Variants in MRPL45 observed in about 807,000 individuals in gnomAD.
The protein encoded by MRPL45 is mitochondrial ribosomal protein L45, also known as large ribosomal subunit protein mL45.
MRPL45 carries 20 observed loss-of-function variants against 38.1 expected under a neutral mutation model. That is an observed-to-expected ratio of 0.53 (90% CI 0.37 to 0.76). MRPL45 has a LOEUF of 0.76. Ranked by LOEUF, MRPL45 falls within the 30% of genes least tolerant of loss-of-function variation. MRPL45 has a pLI of 0.00. For missense variants in MRPL45, 337 were observed against 395.6 expected, an observed-to-expected ratio of 0.85 and a Z score of 1.26; for synonymous variants, 105 against 128.8, an observed-to-expected ratio of 0.82 and a Z score of 1.25.
intron 4 of MRPL45, among the ~76,000 whole-genome samples, chr17:38,312,983 G>GTTT (rs1555561920): frequency 1.5e-5 from 1 of 66,816 alleles, no homozygotes; most frequent in Non-Finnish European, 3.3e-5. Flanking sequence ...CCTTTTTATT[G>GTTT]GTTTTTTTTT....
intron 3 of MRPL45, among the ~76,000 whole-genome samples, chr17:38,305,677 C>G (rs897162228): frequency 1.5e-4 from 21 of 144,356 alleles, no homozygotes; most frequent in African/African-American, 5.2e-4. Context: ...GAGTCTCGCT[C>G]TGTGACCCAG....
chr17:38,299,716 G>C (rs976310246), intron 3 of MRPL45, among the ~76,000 whole-genome samples: 1 of 151,236 alleles, frequency 6.6e-6, no homozygotes, highest in Non-Finnish European at 1.5e-5. Context: ...GAGTGTATAG[G>C]ATCCTTTTTT....
intron 3 of MRPL45, among the ~76,000 whole-genome samples, chr17:38,301,069 A>G (rs1257810004): frequency 1.3e-5 from 2 of 152,216 alleles, no homozygotes; most frequent in Admixed American, 6.5e-5. Context: ...AGCTTTTATA[A>G]TCTGGTCCTT....
At chr17:38,319,033 A>G (rs1184289892) in intron 5 of MRPL45, among the ~76,000 whole-genome samples, 1 of 144,052 alleles carries the variant, frequency 6.9e-6, no homozygotes, top group Non-Finnish European at 1.5e-5. Flanking sequence ...TTATTTATTT[A>G]TTTATTTATT....
chr17:38,313,349 TATATATATATATATATAC>T (rs2037141759), intron 4 of MRPL45, among the ~76,000 whole-genome samples: 510 of 19,070 alleles, frequency 0.027, 18 homozygotes, highest in African/African-American at 0.11. Flanking sequence ...TATATATACG[TATATATATATATATATAC>T]GTATATATAT....
At chr17:38,310,387 G>A (rs2037100316) in intron 4 of MRPL45, among the ~76,000 whole-genome samples, 1 of 150,232 alleles carries the variant, frequency 6.7e-6, no homozygotes, top group Admixed American at 6.6e-5. Flanking sequence ...GGAGTGCAGT[G>A]GTGTGATCTC....
chr17:38,298,352 ATTC>A (rs1257043821), intron 1 of MRPL45, 94 bp from the exon 2 acceptor site: 1 of 782,672 alleles, frequency 1.3e-6, no homozygotes, highest in African/African-American at 1.8e-5. Context: ...TTCCTGAAGC[ATTC>A]TTTGGATATT....
At chr17:38,318,251 G>A (rs2144236342) in intron 4 of MRPL45, among the ~76,000 whole-genome samples, 1 of 149,306 alleles carries the variant, frequency 6.7e-6, no homozygotes, top group East Asian at 2.0e-4. Flanking sequence ...AAGCCAGATG[G>A]TACTGATGCT....
chr17:38,298,647 T>C, intron 2 of MRPL45, 21 bp downstream of exon 2: 1 of 1,542,552 alleles, frequency 6.5e-7, no homozygotes, highest in Admixed American at 1.8e-5. Flanking sequence ...TCTGGGACCC[T>C]GACCTGGGAT....
Position 38,318,690 on chromosome 17 carries a change from A to C in MRPL45, c.465A>C (p.Ser155=). Residue 155 remains serine (S), a synonymous_variant, in exon 5 of 8, where the codon TCA becomes TCC. Transcript: ENST00000613675. The stretch of plus-strand genomic sequence containing the variant: ...TATTTATTGCTTTCTTTTCTAGCTC[A>C]GACCATGACCGGCTTCATACCTTGG... The part of the protein sequence containing the change: ...FIEAHLCLNN[S]DHDRLHTLVT... 1 of 1,607,322 alleles carries C rather than the reference A, an allele frequency of 6.2e-7. No homozygotes were observed. Among genetic ancestry groups the C allele is most frequent in the South Asian group, 1.1e-5 (1 of 90,924 alleles).
intron 4 of MRPL45, among the ~76,000 whole-genome samples, chr17:38,317,825 G>A (rs561859560): frequency 1.3e-5 from 2 of 151,486 alleles, no homozygotes; most frequent in South Asian, 2.1e-4. Context: ...CACCCGCCTC[G>A]GCCTCCCAAA....
chr17:38,311,142 A>T (rs558533817), intron 4 of MRPL45, among the ~76,000 whole-genome samples: 1 of 152,188 alleles, frequency 6.6e-6, no homozygotes, highest in Non-Finnish European at 1.5e-5. Flanking sequence ...CATCTCAGAC[A>T]GGAATTTTAT....
At chr17:38,309,216 C>T (rs1597649923) in intron 4 of MRPL45, among the ~76,000 whole-genome samples, 1 of 149,032 alleles carries the variant, frequency 6.7e-6, no homozygotes, top group Non-Finnish European at 1.5e-5. Flanking sequence ...ACTTTGTGTG[C>T]TTTGAAGATT....
At position 38,322,279 on chromosome 17, in the gene MRPL45, C is replaced by A. The variant is rs748746743; in HGVS notation, c.814C>A (p.Pro272Thr). 1.1e-5 allele frequency: 18 copies of A among 1,613,888 alleles called. No individual in the cohort carries two copies. The Admixed American group carries it at 2.0e-4, about 18-fold the overall frequency. ...CAAGATCGTTCCCCCATGGGCACCC[C>A]CTAAGCAGCCCATCCTTAAGGTAAG... is the stretch of plus-strand genomic sequence containing the variant. The part of the protein sequence containing the change: ...HTKIVPPWAP[P>T]KQPILKTVMI... Residue 272 changes from proline (P) to threonine (T), a missense_variant, in exon 7 of 8, where the codon CCT becomes ACT. Pro to Thr is a conservative substitution (Grantham distance 38). Coordinates refer to ENST00000613675, the MANE Select transcript of MRPL45 (RefSeq NM_032351.6).
At chr17:38,320,978 ATT>A (rs11439385) in intron 6 of MRPL45, among the ~76,000 whole-genome samples, 9 of 149,648 alleles carry the variant, frequency 6.0e-5, no homozygotes, top group East Asian at 2.0e-4. Flanking sequence ...ACTCTTCCTG[ATT>A]TTTTTTTTTC....
intron 3 of MRPL45, among the ~76,000 whole-genome samples, chr17:38,305,146 G>GAC: frequency 2.0e-5 from 3 of 147,258 alleles, no homozygotes. Context: ...CACCCGGCCT[G>GAC]TCTTTGTAAC....
intron 3 of MRPL45, among the ~76,000 whole-genome samples, chr17:38,305,984 G>A (rs1198640629): frequency 6.6e-6 from 1 of 152,002 alleles, no homozygotes; most frequent in South Asian, 2.1e-4. Flanking sequence ...CGTTTTTTCT[G>A]TTTTTAGTGC....
intron 4 of MRPL45, among the ~76,000 whole-genome samples, chr17:38,313,398 A>G (rs1372835886): frequency 2.0e-5 from 2 of 100,244 alleles, no homozygotes; most frequent in Admixed American, 1.3e-4. Flanking sequence ...ATATATATAT[A>G]TATATGAGAG....
At chr17:38,300,487 CT>C (rs960320332) in intron 3 of MRPL45, among the ~76,000 whole-genome samples, 4 of 151,482 alleles carry the variant, frequency 2.6e-5, no homozygotes, top group Non-Finnish European at 4.4e-5. Context: ...CTGTATCTAT[CT>C]TTTTTTTTAA....
Sources: gnomAD v4.1 joint callset for allele counts (sites outside exome capture counted in the v4.1 genomes callset) on GRCh38, gnomAD v4.1.1 for gene constraint, MANE v1.5 for transcripts, NCBI Gene and HGNC (gene_info 2026-07-23, HGNC 2026-07-21) for gene names.